The following IL16 variants were observed in gnomAD, a reference collection of about 807,000 sequenced individuals.
IL16 encodes interleukin 16.
In IL16, 67 loss-of-function variants were observed where a neutral mutation model predicts 110.1. The ratio of observed to expected loss-of-function variants is 0.61; its 90% CI spans 0.50 to 0.75. The LOEUF (loss-of-function observed/expected upper bound fraction) is 0.75, where lower values mean the gene tolerates loss of function less well. Among genes scored for constraint, IL16 ranks in the 30% least tolerant of loss-of-function variants. IL16 has a pLI of 0.00. For synonymous variants in IL16, 689 were observed against 662.9 expected, an observed-to-expected ratio of 1.04 and a Z score of -0.61; for missense variants, 1,545 against 1,655.0, an observed-to-expected ratio of 0.93 and a Z score of 1.15.
At chr15:81,252,988 A>T (rs375892174) in intron 2 of IL16, among the ~76,000 whole-genome samples, 9 of 152,140 alleles carry the variant, frequency 5.9e-5, no homozygotes, top group East Asian at 5.8e-4. Flanking sequence ...TTGGGTATAT[A>T]CCTAGGAATG....
intron 2 of IL16, among the ~76,000 whole-genome samples, chr15:81,252,914 A>G (rs1405650746): frequency 6.6e-6 from 1 of 152,182 alleles, no homozygotes; most frequent in Non-Finnish European, 1.5e-5. Flanking sequence ...TCTGGATATC[A>G]TGAATAATGC....
chr15:81,237,258 A>G (rs551088603), intron 2 of IL16, among the ~76,000 whole-genome samples: 1 of 152,178 alleles, frequency 6.6e-6, no homozygotes, highest in Admixed American at 6.5e-5. Flanking sequence ...AGTTTCCACC[A>G]TCCCTGCTTG....
intron 15 of IL16, among the ~76,000 whole-genome samples, chr15:81,302,863 A>G (rs777077904): frequency 2.6e-5 from 4 of 152,166 alleles, no homozygotes; most frequent in African/African-American, 4.8e-5. Context: ...TGCAGTTCCT[A>G]TCACACATCT....
intron 15 of IL16, among the ~76,000 whole-genome samples, chr15:81,302,607 C>T (rs531637210): frequency 3.3e-5 from 5 of 152,290 alleles, no homozygotes; most frequent in Admixed American, 2.6e-4. Context: ...AAGTCAGGTG[C>T]TCTAGTGACG....
chr15:81,224,126 T>C (rs564068110), intron 1 of IL16, among the ~76,000 whole-genome samples: 15 of 152,322 alleles, frequency 9.8e-5, no homozygotes, highest in African/African-American at 3.4e-4. Flanking sequence ...CAGAAAACAA[T>C]AAATGTGTGC....
At chr15:81,262,912 C>T (rs1898215082) in intron 3 of IL16, among the ~76,000 whole-genome samples, 1 of 152,192 alleles carries the variant, frequency 6.6e-6, no homozygotes, top group Non-Finnish European at 1.5e-5. Context: ...GCCTGGGCAA[C>T]AAGAGTGAAA....
intron 2 of IL16, 120 bp downstream of exon 2, chr15:81,225,831 G>C: frequency 6.9e-6 from 7 of 1,021,668 alleles, no homozygotes; most frequent in Non-Finnish European, 8.4e-6. Flanking sequence ...TTCTGAAAGA[G>C]AGCAAGAAAA....
At chr15:81,284,893 T>G (rs150993650) in intron 9 of IL16, among the ~76,000 whole-genome samples, 55 of 152,340 alleles carry the variant, frequency 3.6e-4, no homozygotes, top group African/African-American at 1.3e-3. Flanking sequence ...AAAGACAGTA[T>G]GGCAAAGCAT....
At chr15:81,305,058 A>G (rs3899547) in intron 16 of IL16, among the ~76,000 whole-genome samples, 19,551 of 152,184 alleles carry the variant, frequency 0.13, 1,715 homozygotes, top group African/African-American at 0.24. Context: ...TTTCTAGGGG[A>G]GGAGCTATAA....
upstream of IL16, among the ~76,000 whole-genome samples, chr15:81,195,782 G>A (rs994476506): frequency 2.0e-5 from 3 of 152,166 alleles, no homozygotes; most frequent in African/African-American, 7.2e-5. Flanking sequence ...TGTACACAGG[G>A]CTCACAGAGA....
chr15:81,199,081 T>G (rs1001769043), intron 1 of IL16, among the ~76,000 whole-genome samples: 1 of 148,338 alleles, frequency 6.7e-6, no homozygotes, highest in African/African-American at 2.5e-5. Flanking sequence ...TTTTTTATTG[T>G]GCATTTGAAT....
intron 2 of IL16, among the ~76,000 whole-genome samples, chr15:81,241,278 G>C (rs1231732809): frequency 6.6e-6 from 1 of 151,704 alleles, no homozygotes; most frequent in Non-Finnish European, 1.5e-5. Flanking sequence ...TTATTTATTT[G>C]AGGCCCTTTG....
At chr15:81,184,561 G>A (rs1261970826) in intron 1 of IL16, among the ~76,000 whole-genome samples, 1 of 152,188 alleles carries the variant, frequency 6.6e-6, no homozygotes, top group African/African-American at 2.4e-5. Context: ...TTCCCGAGAG[G>A]GACTCAGTTG....
chr15:81,279,902 C>A, intron 8 of IL16, 128 bp downstream of exon 8: 2 of 753,212 alleles, frequency 2.7e-6, no homozygotes, highest in South Asian at 1.7e-5. Context: ...TTTACAGCTA[C>A]TGCTTGGAGC....
chr15:81,291,942 G>A (rs1340942073), intron 11 of IL16: 2 of 455,958 alleles, frequency 4.4e-6, no homozygotes, highest in Admixed American at 4.7e-5. Context: ...ATGGAGTTGG[G>A]TCCCCCAGGA....
chr15:81,225,771 A>G (rs1234809380), intron 2 of IL16, 60 bp downstream of exon 2: 2 of 1,330,676 alleles, frequency 1.5e-6, no homozygotes, highest in Non-Finnish European at 2.0e-6. Context: ...GCTGTGAATT[A>G]AAGTCTTTGA....
At chr15:81,246,735 C>T (rs1897564435) in intron 2 of IL16, among the ~76,000 whole-genome samples, 1 of 152,176 alleles carries the variant, frequency 6.6e-6, no homozygotes, top group Non-Finnish European at 1.5e-5. Flanking sequence ...TCATTATCTA[C>T]ATTCTGGAAT....
chr15:81,219,456 T>TA (rs1896542674), intron 1 of IL16, among the ~76,000 whole-genome samples: 5 of 150,210 alleles, frequency 3.3e-5, no homozygotes, highest in Admixed American at 3.3e-4. Context: ...TACCTCCATA[T>TA]TGGAGGTAAT....
intron 1 of IL16, among the ~76,000 whole-genome samples, chr15:81,220,115 A>G (rs536343297): frequency 6.6e-6 from 1 of 152,238 alleles, no homozygotes; most frequent in African/African-American, 2.4e-5. Context: ...TCCCAGCTGC[A>G]GATCCAATGG....
Sources: gnomAD v4.1 joint callset for allele counts (sites outside exome capture counted in the v4.1 genomes callset) on GRCh38, gnomAD v4.1.1 for gene constraint, MANE v1.5 for transcripts, NCBI Gene and HGNC (gene_info 2026-07-23, HGNC 2026-07-21) for gene names.